TNFRSF11A: variants seen among roughly 807,000 people sequenced by gnomAD.
The protein encoded by TNFRSF11A is tumor necrosis factor receptor superfamily member 11A.
Under a neutral mutation model 55.7 loss-of-function variants are expected in TNFRSF11A, and 32 were observed. The ratio of observed to expected loss-of-function variants is 0.57; its 90% CI spans 0.43 to 0.77. The LOEUF is 0.77. Ranked by LOEUF, TNFRSF11A falls within the 30% of genes least tolerant of loss-of-function variation. The pLI, the probability that TNFRSF11A is intolerant of heterozygous loss-of-function variation, is 0.00. For synonymous variants in TNFRSF11A, 311 were observed against 331.0 expected (o/e 0.94, Z 0.65); for missense variants, 753 against 809.8 (o/e 0.93, Z 0.85).
chr18:62,326,887 A>G (rs2046083634), intron 1 of TNFRSF11A, among the ~76,000 whole-genome samples: 1 of 152,224 alleles, frequency 6.6e-6, no homozygotes, highest in African/African-American at 2.4e-5. Context: ...TTCAATTGAT[A>G]TAAGACAGAC....
At chr18:62,349,963 G>C in intron 3 of TNFRSF11A, 26 bp downstream of exon 3, 1 of 1,613,310 alleles carries the variant, frequency 6.2e-7, no homozygotes, top group Non-Finnish European at 8.5e-7. Flanking sequence ...CAGTGTGTCA[G>C]TGGGAAGTGT....
intron 9 of TNFRSF11A, among the ~76,000 whole-genome samples, chr18:62,371,440 C>A (rs1448489683): frequency 6.6e-6 from 1 of 152,168 alleles, no homozygotes; most frequent in Non-Finnish European, 1.5e-5. Context: ...AGAGTCAAAA[C>A]CGTAGCCTAG....
At chr18:62,353,602 A>G (rs1214978310) in intron 3 of TNFRSF11A, among the ~76,000 whole-genome samples, 1 of 152,192 alleles carries the variant, frequency 6.6e-6, no homozygotes, top group East Asian at 1.9e-4. Context: ...GGTGCAAATA[A>G]ATTTTATTGA....
At position 62,369,110 on chromosome 18, in the gene TNFRSF11A, GT is replaced by G. The variant is rs1910319353; in HGVS notation, c.1195del (p.Ser399GlnfsTer127). ...QCFTGTQSTV[G>X]SESCNCTEPL... is the part of the protein sequence containing the mutation. Reference sequence around the variant, plus strand: ...TTCACGGGGACACAGAGCACAGTGGGTTCAGAAAGCTGCAACTGCACTGAGC... The same window carrying G: ...TTCACGGGGACACAGAGCACAGTGGGTCAGAAAGCTGCAACTGCACTGAGC... On this transcript the variant is annotated frameshift_variant, in exon 9 of 10. Coordinates refer to ENST00000586569, the MANE Select transcript of TNFRSF11A (RefSeq NM_003839.4). LOFTEE classifies it high-confidence loss of function. 1 of 1,614,080 alleles carries G rather than the reference GT, an allele frequency of 6.2e-7. No individual in the cohort carries two copies.
At chr18:62,356,264 A>G (rs1323337218) in intron 4 of TNFRSF11A, among the ~76,000 whole-genome samples, 4 of 152,226 alleles carry the variant, frequency 2.6e-5, no homozygotes, top group African/African-American at 9.7e-5. Flanking sequence ...ATCAAGGAAA[A>G]TGTCCATCAC....
At chr18:62,355,985 G>A (rs1444523896) in intron 4 of TNFRSF11A, among the ~76,000 whole-genome samples, 2 of 152,206 alleles carry the variant, frequency 1.3e-5, no homozygotes, top group African/African-American at 4.8e-5. Flanking sequence ...GATATCAGAA[G>A]TTATTTTTAA....
rs1425160052 is a variant in TNFRSF11A at position 62,383,975 on chromosome 18, G to C, written c.1568-776G>C. On this transcript the variant is annotated intron_variant, in intron 9 of 9. Transcript: ENST00000586569. The surrounding 1 kb of genome is among the most constrained non-coding windows in gnomAD (Gnocchi z 4.2). Reference sequence around the variant, plus strand: ...GGAACCAAGGCACCCACGGTGATGGGGCCTCAGATGTGAGTCCAGAGAGGA... The same window carrying C: ...GGAACCAAGGCACCCACGGTGATGGCGCCTCAGATGTGAGTCCAGAGAGGA... 6.6e-6 allele frequency among the ~76,000 whole-genome samples: 1 copy of C among 151,956 alleles called. No homozygotes were observed. The highest frequency in any genetic ancestry group is 2.4e-5 in the African/African-American group (1 of 41,356).
intron 7 of TNFRSF11A, among the ~76,000 whole-genome samples, chr18:62,363,407 C>T (rs1183240672): frequency 7.2e-6 from 1 of 138,390 alleles, no homozygotes; most frequent in Admixed American, 7.9e-5. Flanking sequence ...CTCGCTCTGT[C>T]GCCCAAGCTG....
chr18:62,332,195 T>C (rs1301283453), intron 1 of TNFRSF11A, among the ~76,000 whole-genome samples: 1 of 152,232 alleles, frequency 6.6e-6, no homozygotes, highest in African/African-American at 2.4e-5. Flanking sequence ...CTGTGTTGGC[T>C]GGTTTGGGGT....
At chr18:62,379,369 C>G (rs1170152298) in intron 9 of TNFRSF11A, among the ~76,000 whole-genome samples, 1 of 152,200 alleles carries the variant, frequency 6.6e-6, no homozygotes. Flanking sequence ...TGCTGAATGG[C>G]CATGTTTTCT....
intron 4 of TNFRSF11A, among the ~76,000 whole-genome samples, chr18:62,355,181 A>G (rs1420214918): frequency 3.3e-5 from 5 of 152,166 alleles, no homozygotes; most frequent in Non-Finnish European, 5.9e-5. Context: ...TTATCCTGAT[A>G]TATTTTTTAT....
chr18:62,350,356 G>A (rs1046289055), intron 3 of TNFRSF11A, among the ~76,000 whole-genome samples: 13 of 152,030 alleles, frequency 8.6e-5, no homozygotes, highest in East Asian at 5.8e-4. Flanking sequence ...GCAGTGGCGC[G>A]ATCTCAGCTC....
At chr18:62,349,715 C>T (rs1024584007) in intron 2 of TNFRSF11A, 97 bp from the exon 3 acceptor site, 11 of 1,384,226 alleles carry the variant, frequency 7.9e-6, no homozygotes, top group Non-Finnish European at 1.1e-5. Flanking sequence ...GATTATTGGT[C>T]CCATAGATGG....
chr18:62,364,300 G>A (rs920902838), intron 7 of TNFRSF11A, among the ~76,000 whole-genome samples: 9 of 152,158 alleles, frequency 5.9e-5, no homozygotes, highest in East Asian at 1.9e-4. Flanking sequence ...TAATGGCACC[G>A]TAGCAGAAAG....
intron 9 of TNFRSF11A, among the ~76,000 whole-genome samples, chr18:62,369,903 C>T (rs1374137248): frequency 3.3e-5 from 5 of 152,098 alleles, no homozygotes. Context: ...CTTAAATCTC[C>T]CCCAAGAAAG....
In TNFRSF11A at chr18:62,360,141, C is replaced by CATCT. The variant is rs1909569260; in HGVS notation, c.616+92_616+93insATCT. On this transcript the variant is annotated intron_variant, in intron 6 of 9. Transcript: ENST00000586569. ...CCCAGATGGCACGTGGATTTGCGGG[C>CATCT]GTCCTCTCCCCCTTTATTTCATCCC... 6.3e-5 allele frequency: 57 copies of CATCT among 906,042 alleles called. 2 individuals are homozygous for CATCT. In the South Asian group the frequency reaches 7.7e-4, roughly 12 times the overall value. The allele number at this position is 906,042 out of a possible 1,614,324, so 56.1% of individuals were successfully genotyped here.
chr18:62,374,990 C>T (rs548856528), intron 9 of TNFRSF11A, among the ~76,000 whole-genome samples: 1 of 151,884 alleles, frequency 6.6e-6, no homozygotes, highest in Non-Finnish European at 1.5e-5. Flanking sequence ...TTGCAGCCTC[C>T]GTCCCCCAGG....
intron 3 of TNFRSF11A, among the ~76,000 whole-genome samples, chr18:62,351,350 G>A (rs1357557293): frequency 6.6e-6 from 1 of 152,176 alleles, no homozygotes; most frequent in Non-Finnish European, 1.5e-5. Context: ...TTATAAATTG[G>A]TTGTTAGCTC....
intron 9 of TNFRSF11A, among the ~76,000 whole-genome samples, chr18:62,380,199 A>T (rs887723214): frequency 1.3e-5 from 2 of 152,234 alleles, no homozygotes; most frequent in African/African-American, 2.4e-5. Flanking sequence ...CTCTGCTGCC[A>T]CTTAAGAATT....
Sources: allele counts gnomAD v4.1 joint callset (sites outside exome capture counted in the v4.1 genomes callset), GRCh38; gene constraint gnomAD v4.1.1; non-coding constraint Gnocchi (gnomAD v3.1); transcripts MANE v1.5; gene names NCBI Gene and HGNC (gene_info 2026-07-23, HGNC 2026-07-21).